The following MYH7B variants were observed in gnomAD, a reference collection of about 807,000 sequenced individuals.
MYH7B encodes the protein myosin-7B.
Under a neutral mutation model 234.5 loss-of-function variants are expected in MYH7B, and 205 were observed. That is an observed-to-expected ratio of 0.87 (90% CI 0.78 to 0.98). MYH7B has a LOEUF of 0.98. Among genes scored for constraint, MYH7B ranks in the 50% least tolerant of loss-of-function variants. The probability of loss-of-function intolerance (pLI) is 0.00; values close to 1 mark genes in which losing one functional copy is unlikely to be tolerated. For synonymous variants in MYH7B, 1,193 were observed against 1,105.0 expected, an observed-to-expected ratio of 1.08 and a Z score of -1.58; for missense variants, 2,652 against 2,633.4, an observed-to-expected ratio of 1.01 and a Z score of -0.15.
intron 2 of MYH7B, among the ~76,000 whole-genome samples, chr20:34,961,693 T>C (rs764755587): frequency 1.1e-4 from 17 of 152,240 alleles, no homozygotes; most frequent in Non-Finnish European, 2.2e-4. Flanking sequence ...ATTTACTTTC[T>C]TTGTCTATGG....
chr20:34,967,582 G>A (rs1295298081), intron 2 of MYH7B, among the ~76,000 whole-genome samples: 1 of 152,040 alleles, frequency 6.6e-6, no homozygotes, highest in African/African-American at 2.4e-5. Flanking sequence ...CTGCTGCTTG[G>A]TCTTTCATGG....
chr20:34,960,297 G>A (rs1252261720), intron 2 of MYH7B, among the ~76,000 whole-genome samples: 3 of 151,992 alleles, frequency 2.0e-5, no homozygotes, highest in African/African-American at 4.8e-5. Context: ...GTGCAGTGGC[G>A]CCATCTTGGC....
intron 7 of MYH7B, chr20:34,980,039 A>G: frequency 1.8e-6 from 1 of 564,466 alleles, no homozygotes. Flanking sequence ...GAGCAGCTGT[A>G]GCAGTGCGGG....
At chr20:34,984,574 G>T in intron 10 of MYH7B, 118 bp from the exon 11 acceptor site, 2 of 862,620 alleles carry the variant, frequency 2.3e-6, no homozygotes, top group East Asian at 5.2e-5. Flanking sequence ...CATGCATTCC[G>T]GTGACTAACT....
intron 2 of MYH7B, 68 bp from the exon 3 acceptor site, chr20:34,975,332 G>A: frequency 1.9e-6 from 1 of 527,642 alleles, no homozygotes; most frequent in East Asian, 3.0e-5. Context: ...AGCCTCCTGA[G>A]TAGCTGAGAC....
chr20:34,996,405 G>A lies in MYH7B; in HGVS notation c.3003G>A (p.Lys1001=), dbSNP rs199833535. The A allele has an allele frequency of 3.7e-6, 6 of 1,612,920 alleles. No homozygotes were observed. The African/African-American group carries it at 8.0e-5, about 21-fold the overall frequency. ...ACGAGTCAGTGGCCCGGCTGACCAA[G>A]GAGAAGAAGGCGTTGCAGGAGGCCC... Residue 1001 remains lysine, a synonymous_variant, in exon 29 of 45, where the codon AAG becomes AAA. Coordinates refer to ENST00000262873, the Ensembl canonical transcript of MYH7B.
chr20:34,996,691 A>G, exon 30 of MYH7B: 2 of 1,613,628 alleles, frequency 1.2e-6, no homozygotes, highest in Non-Finnish European at 1.7e-6. Context: ...GGGTGACCTG[A>G]AGCTGACGCA....
At chr20:34,984,754 G>A in intron 11 of MYH7B, 39 bp downstream of exon 11, 1 of 1,605,868 alleles carries the variant, frequency 6.2e-7, no homozygotes, top group South Asian at 1.1e-5. Context: ...AGCCCTGGGG[G>A]TACCCCCTTC....
chr20:34,987,236 A>G, exon 16 of MYH7B: 3 of 1,612,114 alleles, frequency 1.9e-6, no homozygotes, highest in Non-Finnish European at 2.5e-6. Context: ...TGGCAACATG[A>G]AGTTCAAGCA....
rs201331421 is a variant in MYH7B, at chr20:34,979,622, C to T, written c.199-39C>T. 284 of 1,613,164 alleles carry T rather than the reference C, an allele frequency of 1.8e-4. No homozygotes were observed. The African/African-American group carries it at 3.3e-3, about 19-fold the overall frequency. On this transcript the variant is annotated intron_variant, in intron 6 of 44. Transcript: ENST00000262873. ...GGTGACAGGTGAGGTCGGTCGGTTC[C>T]TCCCGGTCCCCCGGCCCCTGACACG...
chr20:34,998,390 C>T lies in MYH7B; in HGVS notation c.3843C>T (p.Ser1281=), dbSNP rs3746436. The T allele has an allele frequency of 0.19, 302,993 of 1,613,276 alleles. 29,743 individuals are homozygous for T. Among genetic ancestry groups the T allele is most frequent in the Middle Eastern group, 0.33 (1,979 of 6,062 alleles). ...TGCAGCGGCAGCTGGCGGACGCAAGCACGCAGCGTGGGCGACTACAGACGG... is the reference window on the plus strand; with the variant it reads ...TGCAGCGGCAGCTGGCGGACGCAAGTACGCAGCGTGGGCGACTACAGACGG... The change falls in exon 33 of 45, where the codon AGC becomes AGT. Residue 1281 remains serine (S), a synonymous_variant. Coordinates refer to ENST00000262873, the Ensembl canonical transcript of MYH7B.
In MYH7B at chr20:34,998,644, G is replaced by T; in HGVS notation, c.3993+15G>T. ...AGGAAAGCAAGGTGGGCTGGCACCG[G>T]TGACCATGGAGTGGGCAGGTGGGCA... is the stretch of plus-strand genomic sequence containing the variant. On this transcript the variant is annotated intron_variant, in intron 34 of 44. Transcript: ENST00000262873. 1.2e-6 allele frequency: 2 copies of T among 1,612,896 alleles called. No individual in the cohort carries two copies. Among genetic ancestry groups the T allele is most frequent in the Non-Finnish European group, 1.7e-6 (2 of 1,179,854 alleles).
At chr20:35,000,227 C>T in intron 38 of MYH7B, 66 bp from the exon 39 acceptor site, 2 of 1,499,642 alleles carry the variant, frequency 1.3e-6, no homozygotes, top group Non-Finnish European at 1.8e-6. Context: ...TCCAACGGTC[C>T]TTGGGCATTT....
rs768614535 is a variant in MYH7B at position 35,002,166 on chromosome 20, T to G, written c.5815-11T>G. 1 of 1,576,780 alleles carries G rather than the reference T, an allele frequency of 6.3e-7. No individual in the cohort carries two copies. Among genetic ancestry groups the G allele is most frequent in the East Asian group, 2.3e-5 (1 of 44,430 alleles). On this transcript the variant is annotated splice_polypyrimidine_tract_variant and intron_variant, in intron 44 of 44. Coordinates refer to ENST00000262873, the Ensembl canonical transcript of MYH7B. ...GTAGTACTGCTCACTCAGCTATCCC[T>G]TTCTCCTCAGCACAAGGAGTGACGG...
At chr20:34,972,040 T>A (rs2081798191) in intron 2 of MYH7B, among the ~76,000 whole-genome samples, 1 of 152,248 alleles carries the variant, frequency 6.6e-6, no homozygotes, top group Admixed American at 6.5e-5. Flanking sequence ...GCCACCTCCA[T>A]GCCAGACCCA....
chr20:34,977,574 G>T (rs1307459571), intron 3 of MYH7B, 58 bp from the exon 4 acceptor site: 2 of 1,509,496 alleles, frequency 1.3e-6, no homozygotes, highest in South Asian at 1.2e-5. Context: ...TGGCCAGGCT[G>T]GGGGGGCTGT....
chr20:34,995,434 G>A lies in MYH7B; in HGVS notation c.2799G>A (p.Leu933=), dbSNP rs777770129. Residue 933 remains leucine (L), a synonymous_variant, in exon 28 of 45, where the codon CTG becomes CTA. Transcript: ENST00000262873. ...AGGTGAAGGAGCTGAGTGAGCGGCTGGAGGATGAGGAGGAGGTGAACGCTG... is the reference window on the plus strand; with the variant it reads ...AGGTGAAGGAGCTGAGTGAGCGGCTAGAGGATGAGGAGGAGGTGAACGCTG... 86 of 1,613,586 alleles carry A rather than the reference G, an allele frequency of 5.3e-5. No individual in the cohort carries two copies. Among genetic ancestry groups the A allele is most frequent in the Non-Finnish European group, 6.9e-5 (82 of 1,179,862 alleles).
chr20:34,968,937 G>A (rs751373707), intron 2 of MYH7B, among the ~76,000 whole-genome samples: 3 of 152,260 alleles, frequency 2.0e-5, no homozygotes, highest in Non-Finnish European at 4.4e-5. Flanking sequence ...GCCGATATGA[G>A]CAGCAGCAAC....
chr20:34,972,115 T>C (rs1450259257), intron 2 of MYH7B, among the ~76,000 whole-genome samples: 1 of 152,204 alleles, frequency 6.6e-6, no homozygotes, highest in African/African-American at 2.4e-5. Flanking sequence ...TCCAAGCCGT[T>C]CAAGTGGTCA....
Sources: gnomAD v4.1 joint callset for allele counts (sites outside exome capture counted in the v4.1 genomes callset) on GRCh38, gnomAD v4.1.1 for gene constraint, MANE v1.5 for transcripts, NCBI Gene and HGNC (gene_info 2026-07-23, HGNC 2026-07-21) for gene names.